The following TTC27 variants were observed in gnomAD, a reference collection of about 807,000 sequenced individuals.
TTC27 encodes the protein tetratricopeptide repeat protein 27.
TTC27 carries 79 observed loss-of-function variants against 115.9 expected under a neutral mutation model. The ratio of observed to expected loss-of-function variants is 0.68; its 90% confidence interval spans 0.57 to 0.82. The LOEUF (loss-of-function observed/expected upper bound fraction) is 0.82, where lower values mean the gene tolerates loss of function less well. Among genes scored for constraint, TTC27 ranks in the 40% least tolerant of loss-of-function variants. The pLI, the probability that TTC27 is intolerant of heterozygous loss-of-function variation, is 0.00. For missense variants in TTC27, 1,054 were observed against 993.1 expected, an observed-to-expected ratio of 1.06 and a Z score of -0.82; for synonymous variants, 401 against 356.0, an observed-to-expected ratio of 1.13 and a Z score of -1.42.
intron 6 of TTC27, among the ~76,000 whole-genome samples, chr2:32,665,562 G>C (rs1215280473): frequency 6.6e-6 from 1 of 152,128 alleles, no homozygotes; most frequent in African/African-American, 2.4e-5. Flanking sequence ...ATGAGAATCA[G>C]GTTATTCTTT....
chr2:32,787,873 G>C (rs1013827889), intron 16 of TTC27, among the ~76,000 whole-genome samples: 7 of 152,106 alleles, frequency 4.6e-5, no homozygotes, highest in Non-Finnish European at 8.8e-5. Context: ...TGGAGAGATA[G>C]CAGAGTTTTA....
At chr2:32,758,183 C>G (rs1199863428) in intron 12 of TTC27, 109 bp from the exon 13 acceptor site, 1 of 966,906 alleles carries the variant, frequency 1.0e-6, no homozygotes, top group African/African-American at 1.7e-5. Context: ...AAATCTCAAA[C>G]GTTGAAAATA....
intron 9 of TTC27, among the ~76,000 whole-genome samples, chr2:32,688,830 T>G (rs1343655718): frequency 6.6e-6 from 1 of 152,134 alleles, no homozygotes; most frequent in Non-Finnish European, 1.5e-5. Context: ...TGGCATTTTC[T>G]TATAAAATTA....
chr2:32,659,010 A>G (rs2151875406), intron 5 of TTC27, among the ~76,000 whole-genome samples: 1 of 152,204 alleles, frequency 6.6e-6, no homozygotes, highest in Middle Eastern at 3.4e-3. Context: ...TGTCACCTAG[A>G]CTGGAATGCA....
At chr2:32,698,430 A>G (rs1454848381) in intron 9 of TTC27, among the ~76,000 whole-genome samples, 1 of 110,002 alleles carries the variant, frequency 9.1e-6, no homozygotes, top group Admixed American at 9.2e-5. Flanking sequence ...TCACCCAGCC[A>G]TAAAGTTATT....
rs759602657 is a variant in TTC27, at chr2:32,787,108, C to T, written c.1957C>T (p.His653Tyr). 6 of 1,613,852 alleles carry T rather than the reference C, an allele frequency of 3.7e-6. No individual in the cohort carries two copies. The Admixed American group carries it at 5.0e-5, about 13-fold the overall frequency. ...GEFSEAIKAY[H>Y]RLLDLRDKYK... Reference sequence around the variant, plus strand: ...ATTTTCAGAAGCCATTAAAGCTTATCACCGGCTCTTGGACTTACGTGACAA... The same window carrying T: ...ATTTTCAGAAGCCATTAAAGCTTATTACCGGCTCTTGGACTTACGTGACAA... Residue 653 changes from histidine (H) to tyrosine (Y), a missense_variant, in exon 16 of 20, where the codon CAC becomes TAC. Physicochemically the swap from His to Tyr is moderately conservative, Grantham distance 83. Coordinates refer to ENST00000317907, the MANE Select transcript of TTC27 (RefSeq NM_017735.5).
chr2:32,668,901 A>G (rs1665901711), intron 7 of TTC27, among the ~76,000 whole-genome samples: 1 of 151,912 alleles, frequency 6.6e-6, no homozygotes, highest in African/African-American at 2.4e-5. Flanking sequence ...AACACAGTGA[A>G]ACCCCGTCTC....
At chr2:32,683,747 A>G (rs1666526191) in intron 9 of TTC27, among the ~76,000 whole-genome samples, 1 of 152,146 alleles carries the variant, frequency 6.6e-6, no homozygotes, top group Admixed American at 6.5e-5. Flanking sequence ...TATCTACATT[A>G]TTTCCCTTCA....
intron 9 of TTC27, among the ~76,000 whole-genome samples, chr2:32,682,014 G>GTGTGTA: frequency 6.8e-6 from 1 of 147,614 alleles, no homozygotes; most frequent in East Asian, 1.9e-4. Flanking sequence ...GTGTGTGTGT[G>GTGTGTA]TGTGTGTGTG....
At chr2:32,667,912 G>C (rs1031188639) in intron 7 of TTC27, among the ~76,000 whole-genome samples, 12 of 151,508 alleles carry the variant, frequency 7.9e-5, no homozygotes, top group African/African-American at 2.9e-4. Flanking sequence ...AATTAGGCCA[G>C]GTGCAGTGGC....
chr2:32,791,838 A>C (rs909906403), intron 16 of TTC27, among the ~76,000 whole-genome samples: 1 of 152,138 alleles, frequency 6.6e-6, no homozygotes, highest in Non-Finnish European at 1.5e-5. Flanking sequence ...TCGTGCCACC[A>C]CACTCCAGCC....
At chr2:32,800,282 G>A (rs1201265552) in intron 16 of TTC27, among the ~76,000 whole-genome samples, 2 of 152,070 alleles carry the variant, frequency 1.3e-5, no homozygotes, top group Non-Finnish European at 2.9e-5. Flanking sequence ...CCGCCTCCCA[G>A]GTTCAAGTGA....
At chr2:32,671,871 T>G (rs1666027605) in intron 7 of TTC27, among the ~76,000 whole-genome samples, 1 of 152,250 alleles carries the variant, frequency 6.6e-6, no homozygotes, top group Non-Finnish European at 1.5e-5. Flanking sequence ...TATCACATAC[T>G]TTGAGTGTGA....
intron 4 of TTC27, among the ~76,000 whole-genome samples, chr2:32,645,093 A>G (rs529567488): frequency 6.6e-6 from 1 of 151,902 alleles, no homozygotes; most frequent in Admixed American, 6.6e-5. Context: ...GTTAATTTTA[A>G]CCTTTTAAAT....
rs116527004 is a variant in TTC27 at position 32,778,946 on chromosome 2, G to A, written c.1779+966G>A. Among the ~76,000 whole-genome samples the A allele has an allele frequency of 3.7e-3, 564 of 152,264 alleles. 3 individuals are homozygous for A. Among genetic ancestry groups the A allele is most frequent in the African/African-American group, 0.013 (527 of 41,552 alleles). ...GTTTTCCAAAGTACCATTTTAGGCCGGGTGTGGTGGCTCACGCCTGTAATC... is the reference window on the plus strand; with the variant it reads ...GTTTTCCAAAGTACCATTTTAGGCCAGGTGTGGTGGCTCACGCCTGTAATC... On this transcript the variant is annotated intron_variant, in intron 14 of 19. Transcript: ENST00000317907.
chr2:32,725,618 T>A (rs1668083194), intron 10 of TTC27, among the ~76,000 whole-genome samples: 1 of 152,216 alleles, frequency 6.6e-6, no homozygotes, highest in African/African-American at 2.4e-5. Flanking sequence ...TTTCATGGGC[T>A]GGCATTGAGA....
chr2:32,795,997 C>G (rs1406841591), intron 16 of TTC27, among the ~76,000 whole-genome samples: 1 of 151,806 alleles, frequency 6.6e-6, no homozygotes, highest in African/African-American at 2.4e-5. Context: ...TAAAAGACAT[C>G]CAAATTGGTA....
chr2:32,790,070 A>G (rs540792024), intron 16 of TTC27, among the ~76,000 whole-genome samples: 2 of 151,874 alleles, frequency 1.3e-5, no homozygotes, highest in South Asian at 4.2e-4. Context: ...TTTTCCTAGT[A>G]TGAATTCAGA....
At chr2:32,689,952 A>G (rs766301652) in intron 9 of TTC27, among the ~76,000 whole-genome samples, 1 of 152,186 alleles carries the variant, frequency 6.6e-6, no homozygotes, top group Non-Finnish European at 1.5e-5. Flanking sequence ...AGTAGAATCT[A>G]TATCTGGTAT....
Sources: gnomAD v4.1 joint callset for allele counts (sites outside exome capture counted in the v4.1 genomes callset) on GRCh38, gnomAD v4.1.1 for gene constraint, MANE v1.5 for transcripts, NCBI Gene and HGNC (gene_info 2026-07-23, HGNC 2026-07-21) for gene names.